The following ARNT2 variants were observed in gnomAD, a reference collection of about 807,000 sequenced individuals.
The protein encoded by ARNT2 is aryl hydrocarbon receptor nuclear translocator 2.
In ARNT2, 36 loss-of-function variants were observed where a neutral mutation model predicts 91.7. That is an observed-to-expected ratio of 0.39 (90% CI 0.30 to 0.52). ARNT2 has a LOEUF of 0.52. Among genes scored for constraint, ARNT2 ranks in the 20% least tolerant of loss-of-function variants. The pLI is 0.72. For missense variants in ARNT2, 775 were observed against 939.3 expected (o/e 0.83, Z 2.29); for synonymous variants, 365 against 347.1 (o/e 1.05, Z -0.57).
intron 1 of ARNT2, among the ~76,000 whole-genome samples, chr15:80,433,030 A>G (rs896449586): frequency 2.6e-5 from 4 of 152,142 alleles, no homozygotes; most frequent in African/African-American, 9.7e-5. Flanking sequence ...TTTAAAATTT[A>G]ACACAAAATG....
chr15:80,477,763 G>A (rs1302565269), intron 5 of ARNT2, among the ~76,000 whole-genome samples: 1 of 152,200 alleles, frequency 6.6e-6, no homozygotes, highest in Non-Finnish European at 1.5e-5. Context: ...ACATTCTGGG[G>A]TACTGGGGAT....
intron 6 of ARNT2, 54 bp from the exon 7 acceptor site, chr15:80,513,857 T>C: frequency 6.9e-7 from 1 of 1,451,014 alleles, no homozygotes; most frequent in South Asian, 1.1e-5. Context: ...GCACCATATA[T>C]TGAATAAACT....
chr15:80,430,962 C>T (rs1233089118), intron 1 of ARNT2, among the ~76,000 whole-genome samples: 1 of 152,088 alleles, frequency 6.6e-6, no homozygotes, highest in Non-Finnish European at 1.5e-5. Context: ...ATGAACCATG[C>T]ACTCTCCTTC....
At chr15:80,479,425 C>T (rs1320476173) in intron 5 of ARNT2, among the ~76,000 whole-genome samples, 2 of 152,152 alleles carry the variant, frequency 1.3e-5, no homozygotes, top group Admixed American at 1.3e-4. Flanking sequence ...GGAATTTATC[C>T]ACATGGAGAG....
intron 12 of ARNT2, among the ~76,000 whole-genome samples, chr15:80,566,161 C>T (rs955185544): frequency 1.3e-5 from 2 of 152,170 alleles, no homozygotes; most frequent in African/African-American, 4.8e-5. Context: ...AGCAACCCTG[C>T]CACCCTTTGC....
chr15:80,571,534 A>C (rs1898583569), intron 12 of ARNT2, among the ~76,000 whole-genome samples: 1 of 152,176 alleles, frequency 6.6e-6, no homozygotes, highest in Admixed American at 6.5e-5. Flanking sequence ...CCATTGTGGA[A>C]AGGGCCAAAT....
intron 11 of ARNT2, among the ~76,000 whole-genome samples, chr15:80,561,689 C>T (rs182524414): frequency 1.3e-3 from 192 of 152,278 alleles, no homozygotes; most frequent in Non-Finnish European, 2.2e-3. Context: ...CCCACTCTGC[C>T]CAGCCTGGAA....
In ARNT2 at chr15:80,407,098, A is replaced by G. The variant is rs1895611943; in HGVS notation, c.31+2552A>G. 1.3e-5 allele frequency among the ~76,000 whole-genome samples: 2 copies of G among 152,122 alleles called. 1 individual carries two copies. The highest frequency in any genetic ancestry group is 1.3e-4 in the Admixed American group (2 of 15,282). On this transcript the variant is annotated intron_variant, in intron 1 of 18. Coordinates refer to ENST00000303329, the MANE Select transcript of ARNT2 (RefSeq NM_014862.4). Reference sequence around the variant, plus strand: ...CTTTTTCTTCCTGCCTCCTTTCCCCAGATATGGTTGCTTTGCAAAGAATAA... The same window carrying G: ...CTTTTTCTTCCTGCCTCCTTTCCCCGGATATGGTTGCTTTGCAAAGAATAA...
intron 1 of ARNT2, among the ~76,000 whole-genome samples, chr15:80,418,242 T>A (rs964474572): frequency 6.6e-6 from 1 of 152,166 alleles, no homozygotes; most frequent in Non-Finnish European, 1.5e-5. Flanking sequence ...CTGCTGGGTG[T>A]GTGCAGGATC....
At chr15:80,473,124 A>G (rs1485144358) in intron 4 of ARNT2, among the ~76,000 whole-genome samples, 3 of 152,208 alleles carry the variant, frequency 2.0e-5, no homozygotes, top group African/African-American at 7.2e-5. Flanking sequence ...GAGCTCACTG[A>G]AAAACATTGC....
intron 2 of ARNT2, 21 bp downstream of exon 2, chr15:80,451,015 C>G: frequency 6.2e-7 from 1 of 1,603,070 alleles, no homozygotes; most frequent in Non-Finnish European, 8.5e-7. Flanking sequence ...TCAGCGTTTC[C>G]AGGAATTGGC....
chr15:80,442,083 G>C (rs990856928), intron 1 of ARNT2, among the ~76,000 whole-genome samples: 1 of 152,212 alleles, frequency 6.6e-6, no homozygotes, highest in African/African-American at 2.4e-5. Context: ...TTGAGTGGGG[G>C]AATAACTCTC....
chr15:80,431,472 G>T lies in ARNT2; in HGVS notation c.32-19408G>T, dbSNP rs1004298644. ...CCAGTAACAATGAGGCTTCCCTTCA[G>T]GGTCCTGAAGAGGGCACAGAGGGCT... On this transcript the variant is annotated intron_variant, in intron 1 of 18. Transcript: ENST00000303329. Among the ~76,000 whole-genome samples, 30 of 152,310 alleles carry T rather than the reference G, an allele frequency of 2.0e-4. No homozygotes were observed. In the East Asian group the frequency reaches 5.6e-3, roughly 28 times the overall value.
In ARNT2 at chr15:80,503,862, G is replaced by A. The variant is rs532998430; in HGVS notation, c.623-4294G>A. Among the ~76,000 whole-genome samples the A allele has an allele frequency of 9.0e-4, 137 of 152,350 alleles. 1 individual carries two copies. Among genetic ancestry groups the A allele is most frequent in the South Asian group, 3.3e-3 (16 of 4,828 alleles). On this transcript the variant is annotated intron_variant, in intron 5 of 18. Transcript: ENST00000303329. ...ACGTACCAGTAGTCAGCATGGTGGTGATTGCTGGGTCTTTGTAGAGCGCCA... is the reference window on the plus strand; with the variant it reads ...ACGTACCAGTAGTCAGCATGGTGGTAATTGCTGGGTCTTTGTAGAGCGCCA...
At position 80,577,672 on chromosome 15, in the gene ARNT2, C is replaced by T. The variant is rs543268071; in HGVS notation, c.1613+707C>T. Among the ~76,000 whole-genome samples, 4 of 152,368 alleles carry T rather than the reference C, an allele frequency of 2.6e-5. 1 individual carries two copies. The South Asian group carries it at 8.3e-4, about 32-fold the overall frequency. On this transcript the variant is annotated intron_variant, in intron 15 of 18. Transcript: ENST00000303329. ...CTTCTCCAGTGAGGTTGGCCAGACC[C>T]TAAGCAGAGCTTCCAGATGCAGAGG...
At chr15:80,593,404 T>C (rs1893316708) in intron 18 of ARNT2, among the ~76,000 whole-genome samples, 196 bp from the exon 19 acceptor site, 1 of 152,250 alleles carries the variant, frequency 6.6e-6, no homozygotes, top group Admixed American at 6.5e-5. Context: ...AACAGCTCCC[T>C]GGGGAGAACA....
intron 8 of ARNT2, among the ~76,000 whole-genome samples, chr15:80,525,929 C>T (rs917659555): frequency 6.6e-6 from 1 of 152,094 alleles, no homozygotes; most frequent in East Asian, 1.9e-4. Context: ...AGCAAAGTTG[C>T]TAAAAATATC....
intron 1 of ARNT2, among the ~76,000 whole-genome samples, chr15:80,416,621 GTTTT>G (rs752814917): frequency 1.4e-5 from 2 of 140,586 alleles, no homozygotes; most frequent in Non-Finnish European, 3.3e-5. Flanking sequence ...TAATTTCTCA[GTTTT>G]TTTTGTTTGT....
chr15:80,476,162 C>T (rs1008966740), intron 5 of ARNT2, among the ~76,000 whole-genome samples: 3 of 152,148 alleles, frequency 2.0e-5, no homozygotes, highest in Non-Finnish European at 2.9e-5. Flanking sequence ...GAGGTGGTCT[C>T]AGAAGGTGTG....
Sources: allele counts gnomAD v4.1 joint callset (sites outside exome capture counted in the v4.1 genomes callset), GRCh38; gene constraint gnomAD v4.1.1; transcripts MANE v1.5; gene names NCBI Gene and HGNC (gene_info 2026-07-23, HGNC 2026-07-21).